The following TMEM39A variants were observed in gnomAD, a reference collection of about 807,000 sequenced individuals.
The protein encoded by TMEM39A is transmembrane protein 39A.
In TMEM39A, 19 loss-of-function variants were observed where a neutral mutation model predicts 51.9. The ratio of observed to expected loss-of-function variants is 0.37; its 90% CI spans 0.26 to 0.54. The LOEUF is 0.54. Among genes scored for constraint, TMEM39A ranks in the 20% least tolerant of loss-of-function variants. The probability of loss-of-function intolerance (pLI) is 0.88; values close to 1 mark genes in which losing one functional copy is unlikely to be tolerated. For missense variants in TMEM39A, 433 were observed against 590.5 expected, an observed-to-expected ratio of 0.73 and a Z score of 2.76; for synonymous variants, 197 against 220.2, an observed-to-expected ratio of 0.89 and a Z score of 0.93.
chr3:119,462,992 G>A (rs1177452272), intron 1 of TMEM39A, among the ~76,000 whole-genome samples: 1 of 151,874 alleles, frequency 6.6e-6, no homozygotes, highest in Non-Finnish European at 1.5e-5. Flanking sequence ...TAAAACCCAA[G>A]GATGACACTG....
At chr3:119,457,682 G>T (rs921542230) in intron 3 of TMEM39A, among the ~76,000 whole-genome samples, 21 of 152,270 alleles carry the variant, frequency 1.4e-4, no homozygotes, top group African/African-American at 5.1e-4. Flanking sequence ...GCCATTAAAA[G>T]GGTAGAGTTG....
chr3:119,442,109 G>A (rs1273753654), intron 5 of TMEM39A, among the ~76,000 whole-genome samples: 2 of 152,212 alleles, frequency 1.3e-5, no homozygotes, highest in East Asian at 1.9e-4. Flanking sequence ...GGGAGGCTGA[G>A]GCAGGCGGAG....
At chr3:119,455,009 C>T (rs895223776) in intron 3 of TMEM39A, among the ~76,000 whole-genome samples, 5 of 152,116 alleles carry the variant, frequency 3.3e-5, no homozygotes, top group Admixed American at 3.3e-4. Context: ...TGGTTGACAG[C>T]TAGAATGATA....
Position 119,432,144 on chromosome 3 carries a change from T to G in TMEM39A, c.1304A>C (p.Gln435Pro). 6.2e-7 allele frequency: 1 copy of G among 1,613,280 alleles called. No individual in the cohort carries two copies. Among genetic ancestry groups the G allele is most frequent in the Non-Finnish European group, 8.5e-7 (1 of 1,179,492 alleles). ...CTCCGACCGCAGCAAGGAATAGAGCTGATAGAAGACGACACTGCCCTCAAT... is the reference window on the plus strand; with the variant it reads ...CTCCGACCGCAGCAAGGAATAGAGCGGATAGAAGACGACACTGCCCTCAAT... Reference protein sequence around the residue: ...ILIEGSVVFYQLYSLLRSEKW... With the variant: ...ILIEGSVVFYPLYSLLRSEKW... The change falls in exon 9 of 9, where the codon CAG becomes CCG. Residue 435 changes from glutamine (Q) to proline (P), a missense_variant. Physicochemically the swap from Gln to Pro is moderately conservative, Grantham distance 76. Around this residue, in one of 3 missense-constraint regions of TMEM39A, gnomAD observed 223 missense variants for 328.1 expected, o/e 0.68. Transcript: ENST00000319172.
At chr3:119,446,857 G>C in intron 5 of TMEM39A, 161 bp downstream of exon 5, 1 of 866,896 alleles carries the variant, frequency 1.2e-6, no homozygotes, top group African/African-American at 1.7e-5. Context: ...CTCCAGTTTA[G>C]AAAACAAATT....
intron 5 of TMEM39A, among the ~76,000 whole-genome samples, chr3:119,441,342 T>C (rs1313633303): frequency 6.6e-6 from 1 of 152,176 alleles, no homozygotes; most frequent in Non-Finnish European, 1.5e-5. Flanking sequence ...GAAAAAGTTA[T>C]TCAAGGAAAT....
Position 119,463,590 on chromosome 3 carries a change from C to A in TMEM39A, c.-329G>T. ...CAGAGCCTGATACTTCAGCACCCAT[C>A]CCTAGCCTCCATTACCGCGGAGCTG... On this transcript the variant is annotated 5_prime_UTR_variant, in exon 1 of 9. Coordinates refer to ENST00000319172, the MANE Select transcript of TMEM39A (RefSeq NM_018266.3). 7.5e-6 allele frequency: 3 copies of A among 398,680 alleles called. No individual in the cohort carries two copies. The highest frequency in any genetic ancestry group is 7.1e-5 in the East Asian group (2 of 28,094). The allele number at this position is 398,680 out of a possible 1,614,324, so 24.7% of individuals were successfully genotyped here.
intron 5 of TMEM39A, among the ~76,000 whole-genome samples, chr3:119,442,070 G>A (rs2081060760): frequency 6.6e-6 from 1 of 152,230 alleles, no homozygotes; most frequent in Non-Finnish European, 1.5e-5. Flanking sequence ...GCTGGGTGCG[G>A]TGGCTCACGC....
intron 7 of TMEM39A, 121 bp downstream of exon 7, chr3:119,436,670 G>GT: frequency 9.1e-7 from 1 of 1,093,766 alleles, no homozygotes; most frequent in Non-Finnish European, 1.3e-6. Flanking sequence ...AAGCATCCAT[G>GT]TAAGACAAAA....
intron 4 of TMEM39A, 92 bp downstream of exon 4, chr3:119,452,355 A>G (rs1389260666): frequency 3.5e-6 from 3 of 866,692 alleles, no homozygotes; most frequent in Non-Finnish European, 5.5e-6. Context: ...TTATTGTTTC[A>G]TTAAATGGGG....
chr3:119,447,040 T>G lies in TMEM39A; in HGVS notation c.553A>C (p.Asn185His). 3 of 1,614,030 alleles carry G rather than the reference T, an allele frequency of 1.9e-6. No homozygotes were observed. The highest frequency in any genetic ancestry group is 1.7e-6 in the Non-Finnish European group (2 of 1,179,978). The change falls in exon 5 of 9, where the codon AAT (asparagine) becomes CAT (histidine). Residue 185 changes from asparagine to histidine, a missense_variant. Asn to His is a moderately conservative substitution (Grantham distance 68). Around this residue, in one of 3 missense-constraint regions of TMEM39A, gnomAD observed 170 missense variants for 239.8 expected, o/e 0.71. Coordinates refer to ENST00000319172, the MANE Select transcript of TMEM39A (RefSeq NM_018266.3). ...CACGGGTAGCCAAGGAAAAGGAGAT[T>G]GAGGACTGAATGGCTTCGAAAGAGA... is the stretch of plus-strand genomic sequence containing the variant. ...VNLFRSHSVL[N>H]LLFLGYPFGV...
intron 4 of TMEM39A, among the ~76,000 whole-genome samples, chr3:119,449,739 T>G (rs1267780696): frequency 6.6e-6 from 1 of 152,188 alleles, no homozygotes; most frequent in Non-Finnish European, 1.5e-5. Flanking sequence ...ACTATTTTCC[T>G]AGAAAAACAA....
At chr3:119,436,028 G>A (rs912887580) in intron 7 of TMEM39A, 14 of 879,844 alleles carry the variant, frequency 1.6e-5, no homozygotes, top group Middle Eastern at 2.7e-4. Flanking sequence ...CTTAACTAGG[G>A]AAAAATTTCT....
At chr3:119,448,852 C>T (rs895324538) in intron 4 of TMEM39A, among the ~76,000 whole-genome samples, 1 of 152,204 alleles carries the variant, frequency 6.6e-6, no homozygotes, top group African/African-American at 2.4e-5. Context: ...TATTCCAGAG[C>T]CCCAAGCCGC....
At position 119,458,243 on chromosome 3, in the gene TMEM39A, G is replaced by T; in HGVS notation, c.114-3C>A. ...GAAGGCCAATAGCACTACCATTCCT[G>T]AAAGAGAAAACTATGGTTAACTCAA... On this transcript the variant is annotated splice_polypyrimidine_tract_variant and splice_region_variant and intron_variant, in intron 2 of 8. Transcript: ENST00000319172. The T allele has an allele frequency of 6.2e-7, 1 of 1,613,370 alleles. No individual in the cohort carries two copies. The highest frequency in any genetic ancestry group is 8.5e-7 in the Non-Finnish European group (1 of 1,179,632).
Position 119,462,027 on chromosome 3 carries a change from T to C in TMEM39A, c.48A>G (p.Ser16=), listed in dbSNP as rs748380460. The change falls in exon 2 of 9, where the codon TCA becomes TCG. Residue 16 remains serine (S), a synonymous_variant. Coordinates refer to ENST00000319172, the MANE Select transcript of TMEM39A (RefSeq NM_018266.3). ...RGPSRQQLSR[S]ALPSLQTLVG... ...CCAAAGTCTGCAAAGAAGGTAAAGCTGAACGGCTTAGCTGTTGCCGACTAG... is the reference window on the plus strand; with the variant it reads ...CCAAAGTCTGCAAAGAAGGTAAAGCCGAACGGCTTAGCTGTTGCCGACTAG... 11 of 1,614,198 alleles carry C rather than the reference T, an allele frequency of 6.8e-6. No individual in the cohort carries two copies. Among genetic ancestry groups the C allele is most frequent in the Non-Finnish European group, 7.6e-6 (9 of 1,180,018 alleles).
chr3:119,455,332 T>C (rs902705396), intron 3 of TMEM39A, among the ~76,000 whole-genome samples: 1 of 152,224 alleles, frequency 6.6e-6, no homozygotes, highest in African/African-American at 2.4e-5. Flanking sequence ...AACTCTTATT[T>C]GCTATTTCAC....
rs890218559 is a variant in TMEM39A, at chr3:119,430,829, T to C, written c.*1152A>G. On this transcript the variant is annotated 3_prime_UTR_variant, in exon 9 of 9. Coordinates refer to ENST00000319172, the MANE Select transcript of TMEM39A (RefSeq NM_018266.3). ...AGTCTTATTTTGTTTCACCAAAAGC[T>C]TCACAGTGTAACAAACCAAACTCAG... is the stretch of plus-strand genomic sequence containing the variant. The C allele has an allele frequency of 6.6e-6, 1 of 152,106 alleles. No individual in the cohort carries two copies. The highest frequency in any genetic ancestry group is 1.5e-5 in the Non-Finnish European group (1 of 67,992). 9.4% of individuals were successfully genotyped at this position (152,106 alleles called of 1,614,324 possible).
chr3:119,437,001 G>A (rs2080978396), intron 6 of TMEM39A, 23 bp from the exon 7 acceptor site: 4 of 1,599,120 alleles, frequency 2.5e-6, no homozygotes, highest in Non-Finnish European at 3.4e-6. Flanking sequence ...AGAAGAGAGA[G>A]AAATGATCCA....
Sources: allele counts gnomAD v4.1 joint callset (sites outside exome capture counted in the v4.1 genomes callset), GRCh38; gene constraint gnomAD v4.1.1; regional missense constraint gnomAD v4.1.1; transcripts MANE v1.5; gene names NCBI Gene and HGNC (gene_info 2026-07-23, HGNC 2026-07-21).